CRYBG1: variants seen among roughly 807,000 people sequenced by gnomAD.
The protein encoded by CRYBG1 is beta/gamma crystallin domain-containing protein 1.
Under a neutral mutation model 189.2 loss-of-function variants are expected in CRYBG1, and 139 were observed. That is an observed-to-expected ratio of 0.73 (90% CI 0.64 to 0.85). CRYBG1 has a LOEUF of 0.85. Among genes scored for constraint, CRYBG1 ranks in the 40% least tolerant of loss-of-function variants. CRYBG1 has a pLI of 0.00. For missense variants in CRYBG1, 2,611 were observed against 2,675.8 expected, an observed-to-expected ratio of 0.98 and a Z score of 0.53; for synonymous variants, 1,023 against 1,017.1, an observed-to-expected ratio of 1.01 and a Z score of -0.11.
chr6:106,523,879 G>C (rs1057429650), intron 4 of CRYBG1, among the ~76,000 whole-genome samples: 1 of 152,112 alleles, frequency 6.6e-6, no homozygotes, highest in Admixed American at 6.6e-5. Flanking sequence ...TTATAAGTGA[G>C]TGCCACCACG....
chr6:106,432,733 T>C (rs1340612), intron 1 of CRYBG1, among the ~76,000 whole-genome samples: 113,399 of 152,220 alleles, frequency 0.74, 43,295 homozygotes, highest in African/African-American at 0.91. Flanking sequence ...ACCCTTGATT[T>C]GGCCTTTGAG....
intron 8 of CRYBG1, among the ~76,000 whole-genome samples, chr6:106,538,257 C>T (rs192311675): frequency 6.6e-6 from 1 of 152,260 alleles, no homozygotes; most frequent in East Asian, 1.9e-4. Context: ...AAGATGTTTA[C>T]AAGAAGACCT....
intron 2 of CRYBG1, among the ~76,000 whole-genome samples, chr6:106,486,513 G>A (rs990434394): frequency 3.3e-5 from 5 of 152,174 alleles, no homozygotes; most frequent in African/African-American, 7.2e-5. Flanking sequence ...TGGTCTGTCC[G>A]TTGTTGAAAG....
intron 1 of CRYBG1, among the ~76,000 whole-genome samples, chr6:106,379,151 AAAAT>A (rs1404104510): frequency 6.6e-6 from 1 of 152,238 alleles, no homozygotes; most frequent in Non-Finnish European, 1.5e-5. Context: ...TCTGGTCTCA[AAAAT>A]AAATAAATAA....
intron 1 of CRYBG1, among the ~76,000 whole-genome samples, 160 bp downstream of exon 1, chr6:106,361,241 A>G (rs1238015433): frequency 6.6e-6 from 1 of 152,200 alleles, no homozygotes; most frequent in Non-Finnish European, 1.5e-5. Flanking sequence ...GAGCGATCGT[A>G]GCCGCTGGGG....
chr6:106,382,544 A>T (rs931925810), intron 1 of CRYBG1, among the ~76,000 whole-genome samples: 5 of 152,250 alleles, frequency 3.3e-5, no homozygotes, highest in African/African-American at 1.2e-4. Flanking sequence ...CTAAAAATGA[A>T]TTTTTTGGCC....
intron 7 of CRYBG1, among the ~76,000 whole-genome samples, chr6:106,528,436 C>T (rs1316859009): frequency 3.9e-5 from 6 of 152,142 alleles, no homozygotes; most frequent in Admixed American, 2.0e-4. Flanking sequence ...TGTCCCCTCC[C>T]CTTTTATTTT....
intron 2 of CRYBG1, among the ~76,000 whole-genome samples, chr6:106,490,252 T>C (rs544927824): frequency 2.0e-5 from 3 of 152,334 alleles, no homozygotes; most frequent in South Asian, 2.1e-4. Context: ...CATTTCCCCT[T>C]TGGGGAAGCA....
rs1773562187 is a variant in CRYBG1, at chr6:106,520,245, G to A, written c.3037G>A (p.Glu1013Lys). ...APPQEEVLGN[E>K]HSHCTAELAA... Reference sequence around the variant, plus strand: ...CCCACAAGAGGAAGTACTGGGCAATGAACACTCTCATTGCACAGCAGAGCT... The same window carrying A: ...CCCACAAGAGGAAGTACTGGGCAATAAACACTCTCATTGCACAGCAGAGCT... Residue 1013 changes from glutamate to lysine, a missense_variant, in exon 4 of 22, where the codon GAA (glutamate) becomes AAA (lysine). Physicochemically the swap from Glu to Lys is moderately conservative, Grantham distance 56 (BLOSUM62 1). Around this residue, in one of 3 missense-constraint regions of CRYBG1, gnomAD observed 1,622 missense variants for 1,735.0 expected, o/e 0.93. Coordinates refer to ENST00000633556, the MANE Select transcript of CRYBG1 (RefSeq NM_001371242.2). 1 of 1,614,042 alleles carries A rather than the reference G, an allele frequency of 6.2e-7. No individual in the cohort carries two copies.
intron 2 of CRYBG1, among the ~76,000 whole-genome samples, chr6:106,505,794 G>T (rs1773119484): frequency 6.6e-6 from 1 of 151,104 alleles, no homozygotes. Context: ...ATATGCATAT[G>T]TTGTGAACAA....
intron 2 of CRYBG1, among the ~76,000 whole-genome samples, chr6:106,470,283 C>T (rs1330167946): frequency 1.3e-5 from 2 of 152,100 alleles, no homozygotes; most frequent in Non-Finnish European, 2.9e-5. Context: ...TGTGTTCACG[C>T]CACTGCACTC....
chr6:106,506,446 C>CTTTTTTTTTT (rs67154803), intron 2 of CRYBG1, among the ~76,000 whole-genome samples: 4 of 69,920 alleles, frequency 5.7e-5, no homozygotes, highest in Non-Finnish European at 1.0e-4. Flanking sequence ...TTTCTTGTCA[C>CTTTTTTTTTT]TTTTTTTTTT....
At chr6:106,416,135 A>C (rs2114380248) in intron 1 of CRYBG1, among the ~76,000 whole-genome samples, 1 of 152,224 alleles carries the variant, frequency 6.6e-6, no homozygotes, top group Middle Eastern at 3.4e-3. Context: ...TTCTCCTGGC[A>C]GGAAGCCAGC....
At chr6:106,433,215 C>A (rs1475312636) in intron 1 of CRYBG1, among the ~76,000 whole-genome samples, 1 of 152,172 alleles carries the variant, frequency 6.6e-6, no homozygotes. Flanking sequence ...TTTAAACCAG[C>A]AAGTCAGGGT....
At chr6:106,526,327 G>T (rs1001408674) in intron 6 of CRYBG1, among the ~76,000 whole-genome samples, 3 of 152,126 alleles carry the variant, frequency 2.0e-5, no homozygotes, top group Non-Finnish European at 4.4e-5. Context: ...GAAGACAAAT[G>T]CTATTTTAAT....
chr6:106,474,544 A>G (rs1772297906), intron 2 of CRYBG1, among the ~76,000 whole-genome samples: 1 of 152,178 alleles, frequency 6.6e-6, no homozygotes, highest in African/African-American at 2.4e-5. Flanking sequence ...AAGAAGTGAA[A>G]AAGAGTAGAT....
At chr6:106,552,370 G>A (rs1216241361) in intron 15 of CRYBG1, 154 bp downstream of exon 15, 2 of 441,208 alleles carry the variant, frequency 4.5e-6, no homozygotes, top group East Asian at 4.7e-5. Flanking sequence ...TGGATCACTT[G>A]AGCTCAGGAG....
chr6:106,422,344 A>ATTTATTTATTTTTTTTTTTTTTTTTTTT (rs57640822), intron 1 of CRYBG1, among the ~76,000 whole-genome samples: 5 of 139,924 alleles, frequency 3.6e-5, no homozygotes, highest in African/African-American at 8.0e-5. Context: ...TTATTTATTT[A>ATTTATTTATTTTTTTTTTTTTTTTTTTT]TTTTTGAGAC....
intron 1 of CRYBG1, among the ~76,000 whole-genome samples, chr6:106,421,024 C>A (rs918192325): frequency 1.1e-4 from 16 of 151,992 alleles, no homozygotes; most frequent in African/African-American, 3.6e-4. Context: ...GAGCTTCCTG[C>A]GATTGTGGGG....
Sources: allele counts gnomAD v4.1 joint callset (sites outside exome capture counted in the v4.1 genomes callset), GRCh38; gene constraint gnomAD v4.1.1; regional missense constraint gnomAD v4.1.1; transcripts MANE v1.5; gene names NCBI Gene and HGNC (gene_info 2026-07-23, HGNC 2026-07-21).